PAX7: variants seen among roughly 807,000 people sequenced by gnomAD.
The protein encoded by PAX7 is paired box 7, also known as paired box protein Pax-7.
PAX7 carries 18 observed loss-of-function variants against 50.7 expected under a neutral mutation model. The observed-to-expected ratio is 0.36, with a 90% CI of 0.25 to 0.53. The LOEUF (loss-of-function observed/expected upper bound fraction) is 0.53. Ranked by LOEUF, PAX7 falls within the 20% of genes least tolerant of loss-of-function variation. The probability of loss-of-function intolerance (pLI) is 0.93; values close to 1 mark genes in which losing one functional copy is unlikely to be tolerated. For synonymous variants in PAX7, 310 were observed against 290.4 expected (o/e 1.07, Z -0.69); for missense variants, 644 against 702.9 (o/e 0.92, Z 0.95).
intron 7 of PAX7, among the ~76,000 whole-genome samples, chr1:18,734,542 C>G (rs1283285508): frequency 6.6e-6 from 1 of 152,140 alleles, no homozygotes; most frequent in African/African-American, 2.4e-5. Flanking sequence ...CCAGTCCCAC[C>G]CCAGGAAAGC....
chr1:18,746,368 C>G lies in PAX7; in HGVS notation c.*1439C>G. The G allele has an allele frequency of 8.7e-6, 2 of 230,868 alleles. No homozygotes were observed. The highest frequency in any genetic ancestry group is 8.6e-6 in the Non-Finnish European group (1 of 116,550). 14.3% of individuals were successfully genotyped at this position (230,868 alleles called of 1,614,324 possible). A position where few individuals can be genotyped will look rare whatever the true frequency, so the allele number is the denominator to read the frequency against. ...GAAGAGGCACCTTCCTTGACCACAC[C>G]AGTGGCCTCCTGAAGTTCCATGCTT... On this transcript the variant is annotated 3_prime_UTR_variant, in exon 9 of 9. Coordinates refer to ENST00000420770, the MANE Select transcript of PAX7 (RefSeq NM_001135254.2).
intron 5 of PAX7, among the ~76,000 whole-genome samples, chr1:18,692,809 T>C (rs1326170540): frequency 6.6e-6 from 1 of 152,150 alleles, no homozygotes; most frequent in African/African-American, 2.4e-5. Flanking sequence ...ATCCCCTCCA[T>C]GGCCTCAATA....
At chr1:18,671,932 G>A (rs2088756294) in intron 4 of PAX7, among the ~76,000 whole-genome samples, 1 of 151,784 alleles carries the variant, frequency 6.6e-6, no homozygotes, top group South Asian at 2.1e-4. Flanking sequence ...AGCTATAATT[G>A]CATCACTGCA....
chr1:18,725,279 C>T (rs1035011075), intron 7 of PAX7, among the ~76,000 whole-genome samples: 1 of 148,056 alleles, frequency 6.8e-6, no homozygotes, highest in Non-Finnish European at 1.5e-5. Context: ...ATCCTCGTCT[C>T]CACCAATTAC....
chr1:18,634,255 T>G lies in PAX7; in HGVS notation c.86-48T>G. Reference sequence around the variant, plus strand: ...GAGTGTACTCAGTGTCTGCTCTCCATCCTCACCCTGCACCTCTCTCCTTCT... The same window carrying G: ...GAGTGTACTCAGTGTCTGCTCTCCAGCCTCACCCTGCACCTCTCTCCTTCT... On this transcript the variant is annotated intron_variant, in intron 1 of 8. Coordinates refer to ENST00000420770, the MANE Select transcript of PAX7 (RefSeq NM_001135254.2). This position sits in a 1 kb window ranked among gnomAD's most constrained non-coding sequence, Gnocchi z 4.0. 6.7e-7 allele frequency: 1 copy of G among 1,487,584 alleles called. No individual in the cohort carries two copies. Among genetic ancestry groups the G allele is most frequent in the Non-Finnish European group, 9.3e-7 (1 of 1,078,610 alleles). The allele number at this position is 1,487,584 out of a possible 1,614,324, so 92.1% of individuals were successfully genotyped here. A position where few individuals can be genotyped will look rare whatever the true frequency, so the allele number is the denominator to read the frequency against.
At chr1:18,678,348 G>A (rs774159106) in intron 4 of PAX7, among the ~76,000 whole-genome samples, 26 of 151,892 alleles carry the variant, frequency 1.7e-4, no homozygotes, top group Non-Finnish European at 3.2e-4. Flanking sequence ...GCAGTGAGCC[G>A]AGATTGTGCC....
intron 1 of PAX7, among the ~76,000 whole-genome samples, chr1:18,633,462 C>T (rs976853555): frequency 2.6e-5 from 4 of 152,218 alleles, no homozygotes; most frequent in East Asian, 1.9e-4. Context: ...CACCCCCACC[C>T]GGGGGGACTG....
Position 18,636,550 on chromosome 1 carries a change from A to C in PAX7, c.586+179A>C, listed in dbSNP as rs1435938136. On this transcript the variant is annotated intron_variant, in intron 4 of 8. Coordinates refer to ENST00000420770, the MANE Select transcript of PAX7 (RefSeq NM_001135254.2). The surrounding 1 kb of genome is among the most constrained non-coding windows in gnomAD (Gnocchi z 5.1). ...TGCCGACAGCGCCCCCTCGGTGCGC[A>C]CCCCGGATGCCGGCTAGATGCGAAG... 6.6e-6 allele frequency among the ~76,000 whole-genome samples: 1 copy of C among 152,136 alleles called. No individual in the cohort carries two copies. The highest frequency in any genetic ancestry group is 1.5e-5 in the Non-Finnish European group (1 of 68,030).
At chr1:18,673,075 G>A in intron 4 of PAX7, among the ~76,000 whole-genome samples, 1 of 152,174 alleles carries the variant, frequency 6.6e-6, no homozygotes, top group Non-Finnish European at 1.5e-5. Flanking sequence ...GGGAGTTGGA[G>A]TGGCAAGGGG....
intron 4 of PAX7, among the ~76,000 whole-genome samples, chr1:18,677,426 C>T (rs1024067403): frequency 1.3e-5 from 2 of 152,180 alleles, no homozygotes; most frequent in Non-Finnish European, 2.9e-5. Context: ...CCTGAGACCC[C>T]TAGTTCCTGT....
At chr1:18,649,493 T>C (rs772825812) in intron 4 of PAX7, among the ~76,000 whole-genome samples, 6 of 152,048 alleles carry the variant, frequency 3.9e-5, no homozygotes, top group Non-Finnish European at 8.8e-5. Flanking sequence ...AAGAATCTCC[T>C]CTTCTTACCC....
At chr1:18,704,811 T>C (rs930555134) in intron 7 of PAX7, among the ~76,000 whole-genome samples, 3 of 152,216 alleles carry the variant, frequency 2.0e-5, no homozygotes, top group African/African-American at 7.2e-5. Flanking sequence ...TGAGGGTTAA[T>C]TGCCTTTCAG....
intron 5 of PAX7, among the ~76,000 whole-genome samples, chr1:18,697,117 C>T (rs16862173): frequency 0.057 from 8,616 of 152,170 alleles, 423 homozygotes; most frequent in East Asian, 0.25. Context: ...TCTATCTGCT[C>T]AGGTTCGTTT....
chr1:18,737,184 G>T (rs1308306234), intron 8 of PAX7, among the ~76,000 whole-genome samples: 5 of 152,250 alleles, frequency 3.3e-5, no homozygotes, highest in Non-Finnish European at 7.3e-5. Context: ...TCACTTTCCT[G>T]CCCCACCGCC....
At chr1:18,702,394 T>C (rs527745289) in intron 6 of PAX7, among the ~76,000 whole-genome samples, 38 of 152,190 alleles carry the variant, frequency 2.5e-4, no homozygotes, top group African/African-American at 8.2e-4. Flanking sequence ...TCCTCTTAAA[T>C]GACTGGCAGG....
intron 4 of PAX7, among the ~76,000 whole-genome samples, chr1:18,654,132 G>A (rs1488552851): frequency 6.6e-6 from 1 of 152,174 alleles, no homozygotes; most frequent in Non-Finnish European, 1.5e-5. Context: ...GAGCACAGCA[G>A]CCCAGTCCAG....
chr1:18,648,705 T>G (rs944396541), intron 4 of PAX7, among the ~76,000 whole-genome samples: 12 of 152,190 alleles, frequency 7.9e-5, no homozygotes, highest in African/African-American at 2.9e-4. Context: ...TAACCCCCAC[T>G]GCCGGTCCAG....
intron 4 of PAX7, among the ~76,000 whole-genome samples, chr1:18,651,829 C>G (rs571020768): frequency 6.9e-6 from 1 of 145,212 alleles, no homozygotes. Context: ...CCGCCCCCCC[C>G]ACCCCACCGC....
intron 7 of PAX7, among the ~76,000 whole-genome samples, chr1:18,734,293 C>T (rs1461522113): frequency 6.6e-6 from 1 of 152,140 alleles, no homozygotes; most frequent in Non-Finnish European, 1.5e-5. Context: ...AAGCCGTCCC[C>T]ACCTCATACT....
Sources: gnomAD v4.1 joint callset for allele counts (sites outside exome capture counted in the v4.1 genomes callset) on GRCh38, gnomAD v4.1.1 for gene constraint, Gnocchi (gnomAD v3.1) non-coding constraint, MANE v1.5 for transcripts, NCBI Gene and HGNC (gene_info 2026-07-23, HGNC 2026-07-21) for gene names.